The following DNM2 variants were observed in gnomAD, a reference collection of about 807,000 sequenced individuals.
DNM2 encodes the protein dynamin-2.
A neutral mutation model predicts 99.0 loss-of-function variants in DNM2; 15 were observed. That is an observed-to-expected ratio of 0.15 (90% confidence interval 0.10 to 0.23). The LOEUF (loss-of-function observed/expected upper bound fraction) is 0.23. Ranked by LOEUF, DNM2 falls within the 10% of genes least tolerant of loss-of-function variation. DNM2 has a pLI of 1.00. For synonymous variants in DNM2, 525 were observed against 481.2 expected (o/e 1.09, Z -1.19); for missense variants, 742 against 1,189.4 (o/e 0.62, Z 5.53).
At chr19:10,766,331 G>C (rs1250573480) in intron 2 of DNM2, among the ~76,000 whole-genome samples, 1 of 152,168 alleles carries the variant, frequency 6.6e-6, no homozygotes, top group African/African-American at 2.4e-5. Flanking sequence ...AAGCTCCTTT[G>C]AAACAGGAGG....
At position 10,812,072 on chromosome 19, in the gene DNM2, G is replaced by C. The variant is rs2072566957; in HGVS notation, c.1558-192G>C. 1.8e-6 allele frequency: 1 copy of C among 560,234 alleles called. No individual in the cohort carries two copies. The highest frequency in any genetic ancestry group is 3.4e-6 in the Non-Finnish European group (1 of 295,150). 34.7% of individuals were successfully genotyped at this position (560,234 alleles called of 1,614,324 possible). On this transcript the variant is annotated intron_variant, in intron 14 of 20. Transcript: ENST00000389253. The surrounding 1 kb of genome is among the most constrained non-coding windows in gnomAD (Gnocchi z 4.0). ...GTCTGTCTGTCCGCCCACCTGCCCA[G>C]GTGGCGCCTCATGTTGGTTTCCTGC...
intron 13 of DNM2, 26 bp downstream of exon 13, chr19:10,805,993 G>C (rs747382035): frequency 3.7e-6 from 6 of 1,614,058 alleles, no homozygotes; most frequent in Non-Finnish European, 5.1e-6. Flanking sequence ...GCAGTCTCCC[G>C]CTCTACCCTG....
intron 11 of DNM2, among the ~76,000 whole-genome samples, chr19:10,799,538 T>G (rs969689067): frequency 3.3e-5 from 5 of 149,470 alleles, no homozygotes; most frequent in Non-Finnish European, 5.9e-5. Context: ...TTTTTTGTTT[T>G]TTTTTTTTTT....
chr19:10,772,934 G>A lies in DNM2; in HGVS notation c.385+306G>A. Among the ~76,000 whole-genome samples, 1 of 151,572 alleles carries A rather than the reference G, an allele frequency of 6.6e-6. No homozygotes were observed. The highest frequency in any genetic ancestry group is 1.5e-5 in the Non-Finnish European group (1 of 67,978). ...TGGCTCAAGGCAGCCAGATCTGCTG[G>A]TGCCTCAAGAGAGGCCAGAACCAGT... On this transcript the variant is annotated intron_variant, in intron 3 of 20. Transcript: ENST00000389253. This position sits in a 1 kb window ranked among gnomAD's most constrained non-coding sequence, Gnocchi z 4.9.
Position 10,759,891 on chromosome 19 carries a change from GA to G in DNM2, c.235+82del. 1.9e-6 allele frequency: 3 copies of G among 1,571,582 alleles called. No homozygotes were observed. In the East Asian group the frequency reaches 6.7e-5, roughly 35 times the overall value. On this transcript the variant is annotated intron_variant, in intron 2 of 20. Transcript: ENST00000389253. Reference sequence around the variant, plus strand: ...CAGGAGTTGCTGGGGGCGGAGGGTGGAACTTGGGTCCTGGGCTGTCATTGGA... The same window carrying G: ...CAGGAGTTGCTGGGGGCGGAGGGTGGACTTGGGTCCTGGGCTGTCATTGGA...
At chr19:10,756,132 C>T (rs572384514) in intron 1 of DNM2, among the ~76,000 whole-genome samples, 13 of 152,198 alleles carry the variant, frequency 8.5e-5, no homozygotes, top group African/African-American at 2.4e-4. Flanking sequence ...ACTACTGTGA[C>T]GGAAAGACAA....
At chr19:10,828,918 CTT>C (rs2073240866) in intron 18 of DNM2, 116 bp from the exon 19 acceptor site, 19 of 1,082,566 alleles carry the variant, frequency 1.8e-5, no homozygotes, top group Non-Finnish European at 2.6e-5. Context: ...GAGCAAGACT[CTT>C]TTTCAAAAAA....
At chr19:10,781,563 A>G (rs2071374493) in intron 5 of DNM2, 1 of 152,230 alleles carries the variant, frequency 6.6e-6, no homozygotes, top group South Asian at 2.1e-4. Flanking sequence ...CGGGCAGATC[A>G]TGAGGTCAGG....
chr19:10,719,193 AC>A (rs1192025383), intron 1 of DNM2, among the ~76,000 whole-genome samples: 1 of 151,736 alleles, frequency 6.6e-6, no homozygotes, highest in Non-Finnish European at 1.5e-5. Flanking sequence ...GCCCATGACT[AC>A]CCCTGAGTGT....
chr19:10,749,439 C>G lies in DNM2; in HGVS notation c.162-10299C>G, dbSNP rs74775644. Among the ~76,000 whole-genome samples, 1,349 of 152,366 alleles carry G rather than the reference C, an allele frequency of 8.9e-3. 12 individuals carry two copies. Among genetic ancestry groups the G allele is most frequent in the African/African-American group, 0.031 (1,270 of 41,594 alleles). Reference sequence around the variant, plus strand: ...GCCTTCCTGGAGCGCTTATCCCCTTCCAGGGAGAGGTGGCCCACTTTAGAG... The same window carrying G: ...GCCTTCCTGGAGCGCTTATCCCCTTGCAGGGAGAGGTGGCCCACTTTAGAG... On this transcript the variant is annotated intron_variant, in intron 1 of 20. Transcript: ENST00000389253.
intron 19 of DNM2, among the ~76,000 whole-genome samples, 181 bp downstream of exon 19, chr19:10,829,449 G>A (rs965843853): frequency 4.6e-5 from 7 of 152,278 alleles, no homozygotes; most frequent in African/African-American, 7.2e-5. Flanking sequence ...GTATGGGGGC[G>A]AGCCAGCCCT....
rs375738980 is a variant in DNM2 at position 10,772,430 on chromosome 19, C to T, written c.236-49C>T. ...CATTTCTCCCCGCAGTCCATGCGCA[C>T]CCTGCCCACAGCTCTTTCTCATTTT... is the stretch of plus-strand genomic sequence containing the variant. On this transcript the variant is annotated intron_variant, in intron 2 of 20. Coordinates refer to ENST00000389253, the MANE Select transcript of DNM2 (RefSeq NM_001005361.3). The surrounding 1 kb of genome is among the most constrained non-coding windows in gnomAD (Gnocchi z 4.9). The T allele has an allele frequency of 5.0e-6, 8 of 1,610,796 alleles. No homozygotes were observed. Among genetic ancestry groups the T allele is most frequent in the African/African-American group, 2.7e-5 (2 of 74,916 alleles).
intron 1 of DNM2, among the ~76,000 whole-genome samples, chr19:10,727,068 C>T (rs2069139623): frequency 6.6e-6 from 1 of 152,146 alleles, no homozygotes; most frequent in Admixed American, 6.6e-5. Context: ...AGTGAAAAGA[C>T]CGGAAAGACA....
At chr19:10,807,756 C>T (rs1262332557) in intron 13 of DNM2, among the ~76,000 whole-genome samples, 1 of 144,566 alleles carries the variant, frequency 6.9e-6, no homozygotes, top group Non-Finnish European at 1.5e-5. Context: ...ACCATGTTGG[C>T]CAGGCTGGTC....
At chr19:10,760,710 G>C (rs1054859703) in intron 2 of DNM2, among the ~76,000 whole-genome samples, 1 of 151,368 alleles carries the variant, frequency 6.6e-6, no homozygotes, top group Non-Finnish European at 1.5e-5. Flanking sequence ...TCCCCAGGCC[G>C]TGCAGTGGTG....
chr19:10,756,489 TGGGA>T (rs1253171703), intron 1 of DNM2, among the ~76,000 whole-genome samples: 1 of 152,172 alleles, frequency 6.6e-6, no homozygotes, highest in Admixed American at 6.5e-5. Context: ...ATCAGCCGAA[TGGGA>T]GGCTGACGGA....
chr19:10,792,482 A>G (rs2071785469), intron 7 of DNM2, among the ~76,000 whole-genome samples: 1 of 152,246 alleles, frequency 6.6e-6, no homozygotes, highest in African/African-American at 2.4e-5. Flanking sequence ...ACTATTCACG[A>G]TGCCAATAGG....
At position 10,829,066 on chromosome 19, in the gene DNM2, G is replaced by C. The variant is rs2073246287; in HGVS notation, c.2089G>C (p.Ala697Pro). The C allele has an allele frequency of 6.2e-7, 1 of 1,613,554 alleles. No homozygotes were observed. Among genetic ancestry groups the C allele is most frequent in the South Asian group, 1.1e-5 (1 of 91,044 alleles). ...GGCCTTCATCCACCACGAGCTGCTG[G>C]CCTACCTATACTCCTCGGCAGACCA... ...TKAFIHHELL[A>P]YLYSSADQSS... Residue 697 changes from alanine (A) to proline (P), a missense_variant, in exon 19 of 21, where the codon GCC (alanine) becomes CCC (proline). Around this residue, in one of 7 missense-constraint regions of DNM2, gnomAD observed 240 missense variants for 431.3 expected, o/e 0.56. Transcript: ENST00000389253.
At chr19:10,813,058 C>G (rs1256798537) in intron 15 of DNM2, among the ~76,000 whole-genome samples, 1 of 152,244 alleles carries the variant, frequency 6.6e-6, no homozygotes, top group Non-Finnish European at 1.5e-5. Flanking sequence ...GGGGTTCCAT[C>G]ACTTACACCT....
Sources: allele counts gnomAD v4.1 joint callset (sites outside exome capture counted in the v4.1 genomes callset), GRCh38; gene constraint gnomAD v4.1.1; regional missense constraint gnomAD v4.1.1; non-coding constraint Gnocchi (gnomAD v3.1); transcripts MANE v1.5; gene names NCBI Gene and HGNC (gene_info 2026-07-23, HGNC 2026-07-21).